The following VRK2 variants were observed in gnomAD, a reference collection of about 807,000 sequenced individuals.
VRK2 encodes serine/threonine-protein kinase VRK2.
In VRK2, 60 loss-of-function variants were observed where a neutral mutation model predicts 57.6. The ratio of observed to expected loss-of-function variants is 1.04; its 90% CI spans 0.85 to 1.29. VRK2 has a LOEUF of 1.29. VRK2 is among the 50% of genes most tolerant of loss of function. The probability of loss-of-function intolerance (pLI) is 0.00; values close to 1 mark genes in which losing one functional copy is unlikely to be tolerated. For synonymous variants in VRK2, 231 were observed against 199.2 expected (o/e 1.16, Z -1.35); for missense variants, 705 against 588.1 (o/e 1.20, Z -2.06).
At chr2:57,957,645 TCC>T (rs1671629102) in intron 1 of VRK2, among the ~76,000 whole-genome samples, 2 of 148,256 alleles carry the variant, frequency 1.3e-5, no homozygotes, top group African/African-American at 4.9e-5. Flanking sequence ...TATATATATA[TCC>T]ATATAGATAT....
At chr2:58,065,264 TC>T (rs1449953550) in intron 2 of VRK2, among the ~76,000 whole-genome samples, 1 of 152,082 alleles carries the variant, frequency 6.6e-6, no homozygotes, top group East Asian at 1.9e-4. Context: ...CCTCATACTA[TC>T]CCTTTGTGAC....
At chr2:57,950,995 G>A (rs1671410162) in intron 1 of VRK2, among the ~76,000 whole-genome samples, 1 of 152,258 alleles carries the variant, frequency 6.6e-6, no homozygotes, top group Middle Eastern at 3.4e-3. Flanking sequence ...AGGAGGCTGA[G>A]GCAGGGAAAT....
Position 57,980,731 on chromosome 2 carries a change from C to T in VRK2, c.-438-44934C>T, listed in dbSNP as rs1206366487. 2.0e-5 allele frequency among the ~76,000 whole-genome samples: 3 copies of T among 152,170 alleles called. No homozygotes were observed. The East Asian group carries it at 5.8e-4, about 29-fold the overall frequency. On this transcript the variant is annotated intron_variant, in intron 1 of 15. Coordinates refer to the VRK2 transcript ENST00000417641. ...GGTGCTTCAGTGTTGGGTGCATATA[C>T]ATTTAGGATTGTTAAGTCTTCTTGT...
chr2:58,085,023 T>C, intron 4 of VRK2, 73 bp downstream of exon 4: 1 of 1,379,308 alleles, frequency 7.3e-7, no homozygotes, highest in Non-Finnish European at 9.7e-7. Context: ...TTTTGGTCTT[T>C]TTCTGGCCTT....
At chr2:58,083,144 C>T (rs13402655) in intron 2 of VRK2, among the ~76,000 whole-genome samples, 12,381 of 151,648 alleles carry the variant, frequency 0.082, 527 homozygotes, top group South Asian at 0.13. Context: ...ATACTAGTTC[C>T]ACCTTTTTTC....
chr2:57,992,782 C>T (rs1361095767), intron 1 of VRK2, among the ~76,000 whole-genome samples: 2 of 151,636 alleles, frequency 1.3e-5, no homozygotes, highest in African/African-American at 2.4e-5. Context: ...ATGATCCAGC[C>T]GCCTCGGCCT....
chr2:58,024,745 C>T lies in VRK2; in HGVS notation c.-438-920C>T, dbSNP rs527423741. 5.3e-5 allele frequency among the ~76,000 whole-genome samples: 8 copies of T among 152,226 alleles called. No homozygotes were observed. In the East Asian group the frequency reaches 1.5e-3, roughly 29 times the overall value. ...AAGTTTTGATGCTATCATAAAGAAT[C>T]GACTCCTACAATACTAAGCTCTTAA... On this transcript the variant is annotated intron_variant, in intron 1 of 15. Transcript: ENST00000417641.
intron 1 of VRK2, among the ~76,000 whole-genome samples, chr2:57,987,878 A>C (rs1375177106): frequency 6.6e-6 from 1 of 152,224 alleles, no homozygotes; most frequent in Non-Finnish European, 1.5e-5. Context: ...TGTCATGCTG[A>C]GTGTGAGATG....
chr2:57,908,253 A>G (rs1215707944), intron 1 of VRK2, among the ~76,000 whole-genome samples: 2 of 152,208 alleles, frequency 1.3e-5, no homozygotes, highest in African/African-American at 4.8e-5. Flanking sequence ...CACATCACGT[A>G]TGATTTAAAG....
chr2:58,099,295 T>C (rs993863409), intron 7 of VRK2, among the ~76,000 whole-genome samples: 7 of 152,082 alleles, frequency 4.6e-5, no homozygotes, highest in African/African-American at 1.7e-4. Context: ...ATGAAGCCTT[T>C]CTTAATGATT....
rs112407871 is a variant in VRK2 at position 58,116,438 on chromosome 2, A to C, written c.544-6663A>C. On this transcript the variant is annotated intron_variant, in intron 7 of 12. Coordinates refer to ENST00000340157, the MANE Select transcript of VRK2 (RefSeq NM_006296.7). Reference sequence around the variant, plus strand: ...TGGGGATAACTAAAAAAGAGTGCTTAAAAGAGTATTGTCTAAGTTGGCACC... The same window carrying C: ...TGGGGATAACTAAAAAAGAGTGCTTCAAAGAGTATTGTCTAAGTTGGCACC... 2.5e-4 allele frequency among the ~76,000 whole-genome samples: 38 copies of C among 151,494 alleles called. No individual in the cohort carries two copies. In the South Asian group the frequency reaches 7.5e-3, roughly 30 times the overall value.
intron 2 of VRK2, among the ~76,000 whole-genome samples, chr2:58,055,270 G>A (rs72951034): frequency 0.013 from 2,033 of 152,306 alleles, 57 homozygotes; most frequent in African/African-American, 0.047. Context: ...ATGGGCAAAA[G>A]CATGCCAGAA....
chr2:58,115,954 G>C (rs968362796), intron 7 of VRK2, among the ~76,000 whole-genome samples: 1 of 152,184 alleles, frequency 6.6e-6, no homozygotes, highest in Non-Finnish European at 1.5e-5. Flanking sequence ...GAGGATAGGA[G>C]AGTATATGGG....
chr2:57,922,036 T>C (rs1670366514), intron 1 of VRK2, among the ~76,000 whole-genome samples: 1 of 152,056 alleles, frequency 6.6e-6, no homozygotes, highest in Non-Finnish European at 1.5e-5. Flanking sequence ...AATCTTGTTT[T>C]CAATACCTCA....
At chr2:58,066,197 TGTATTC>T (rs1275063439) in intron 2 of VRK2, among the ~76,000 whole-genome samples, 9 of 152,186 alleles carry the variant, frequency 5.9e-5, no homozygotes, top group African/African-American at 2.2e-4. Context: ...TTAGGGAGAA[TGTATTC>T]AGCTTCTCAC....
intron 3 of VRK2, among the ~76,000 whole-genome samples, chr2:58,039,043 T>C (rs1674363150): frequency 6.6e-6 from 1 of 152,174 alleles, no homozygotes; most frequent in Non-Finnish European, 1.5e-5. Flanking sequence ...TATATATTGA[T>C]GCAGGTTGGG....
chr2:57,923,556 T>C (rs1670427971), intron 1 of VRK2, among the ~76,000 whole-genome samples: 1 of 152,024 alleles, frequency 6.6e-6, no homozygotes, highest in South Asian at 2.1e-4. Context: ...TTCAGATCTT[T>C]TGTCTGTTTT....
intron 10 of VRK2, among the ~76,000 whole-genome samples, chr2:58,137,098 C>CAT (rs1227537068): frequency 3.5e-5 from 4 of 114,962 alleles, no homozygotes; most frequent in Non-Finnish European, 6.7e-5. Context: ...GTGTATATAT[C>CAT]ATATATATAA....
At chr2:57,966,192 C>T (rs1307759265) in intron 1 of VRK2, among the ~76,000 whole-genome samples, 1 of 152,168 alleles carries the variant, frequency 6.6e-6, no homozygotes, top group Non-Finnish European at 1.5e-5. Context: ...CTGCCTTGTA[C>T]ATGTTCCCCT....
Sources: gnomAD v4.1 joint callset for allele counts (sites outside exome capture counted in the v4.1 genomes callset) on GRCh38, gnomAD v4.1.1 for gene constraint, MANE v1.5 for transcripts, NCBI Gene and HGNC (gene_info 2026-07-23, HGNC 2026-07-21) for gene names.